CDH23: variants seen among roughly 807,000 people sequenced by gnomAD.
CDH23 encodes cadherin related 23.
A neutral mutation model predicts 317.1 loss-of-function variants in CDH23; 189 were observed. That is an observed-to-expected ratio of 0.60 (90% confidence interval 0.53 to 0.67). The LOEUF (loss-of-function observed/expected upper bound fraction) is 0.67, where lower values mean the gene tolerates loss of function less well. CDH23 is among the 30% of genes least tolerant of loss of function. CDH23 has a pLI of 0.00. For missense variants in CDH23, 4,401 were observed against 4,592.4 expected (o/e 0.96, Z 1.20); for synonymous variants, 1,839 against 1,876.8 (o/e 0.98, Z 0.52).
At chr10:71,469,118 G>C (rs1398945351) in intron 3 of CDH23, among the ~76,000 whole-genome samples, 2 of 152,172 alleles carry the variant, frequency 1.3e-5, no homozygotes, top group Non-Finnish European at 2.9e-5. Context: ...TTAAAGAAAA[G>C]CAATCTTTAT....
chr10:71,543,028 G>A (rs1420451126), intron 6 of CDH23, among the ~76,000 whole-genome samples: 1 of 152,260 alleles, frequency 6.6e-6, no homozygotes, highest in Non-Finnish European at 1.5e-5. Context: ...GGCCAGCGTT[G>A]CAGTGCTCTA....
At chr10:71,628,972 G>A (rs553891061) in intron 11 of CDH23, among the ~76,000 whole-genome samples, 1 of 152,346 alleles carries the variant, frequency 6.6e-6, no homozygotes, top group Non-Finnish European at 1.5e-5. Context: ...TTTAGGGAAG[G>A]TCACAGAGCG....
chr10:71,679,725 A>G (rs542226116), intron 17 of CDH23, among the ~76,000 whole-genome samples: 1 of 152,300 alleles, frequency 6.6e-6, no homozygotes, highest in Admixed American at 6.5e-5. Context: ...TTCTTAGGCC[A>G]TGGCCAGCCC....
intron 22 of CDH23, among the ~76,000 whole-genome samples, chr10:71,697,200 C>T (rs755151342): frequency 2.0e-5 from 3 of 152,224 alleles, no homozygotes; most frequent in Admixed American, 6.5e-5. Context: ...GCTTTGGTCC[C>T]CCCGCCCTTC....
chr10:71,649,438 T>C (rs1386401854), intron 14 of CDH23, among the ~76,000 whole-genome samples: 1 of 152,202 alleles, frequency 6.6e-6, no homozygotes, highest in East Asian at 1.9e-4. Flanking sequence ...GTGGCCCTGC[T>C]TCAGTGGCTG....
chr10:71,780,578 G>A (rs1840925819), intron 41 of CDH23, among the ~76,000 whole-genome samples: 1 of 152,188 alleles, frequency 6.6e-6, no homozygotes, highest in South Asian at 2.1e-4. Context: ...GCAAAGGGAA[G>A]CATAGGAAGA....
intron 3 of CDH23, among the ~76,000 whole-genome samples, chr10:71,494,483 C>G (rs185321976): frequency 6.6e-6 from 1 of 152,122 alleles, no homozygotes; most frequent in African/African-American, 2.4e-5. Context: ...GTGTGATCTT[C>G]GGCAAGTTGC....
At chr10:71,532,523 C>A (rs1409833639) in intron 6 of CDH23, among the ~76,000 whole-genome samples, 1 of 152,106 alleles carries the variant, frequency 6.6e-6, no homozygotes, top group Non-Finnish European at 1.5e-5. Context: ...CTGTGCCAGC[C>A]AGGCACACCC....
chr10:71,622,627 C>T (rs534477006), intron 11 of CDH23, among the ~76,000 whole-genome samples: 44 of 152,294 alleles, frequency 2.9e-4, no homozygotes, highest in African/African-American at 8.9e-4. Flanking sequence ...GACCCCTCCC[C>T]GCTGACCCAG....
chr10:71,744,610 G>A (rs902235494), intron 38 of CDH23, among the ~76,000 whole-genome samples: 3 of 152,152 alleles, frequency 2.0e-5, no homozygotes, highest in Admixed American at 1.3e-4. Flanking sequence ...CACCTCACAT[G>A]TCAGCCCCTG....
chr10:71,463,461 T>C (rs1449940258), intron 3 of CDH23, among the ~76,000 whole-genome samples: 1 of 152,180 alleles, frequency 6.6e-6, no homozygotes, highest in Non-Finnish European at 1.5e-5. Context: ...AACAATGGGT[T>C]GAGGGCCACC....
intron 2 of CDH23, among the ~76,000 whole-genome samples, chr10:71,443,058 C>T (rs779909786): frequency 1.3e-5 from 2 of 152,214 alleles, no homozygotes; most frequent in Non-Finnish European, 2.9e-5. Flanking sequence ...ACTCCCTGTC[C>T]AGTGCGCCTT....
chr10:71,520,121 C>T (rs960989700), intron 6 of CDH23, among the ~76,000 whole-genome samples: 2 of 152,152 alleles, frequency 1.3e-5, no homozygotes, highest in Admixed American at 1.3e-4. Flanking sequence ...AGAGTATTAC[C>T]ACTGTTATGA....
Position 71,815,331 on chromosome 10 carries a change from C to T in CDH23, c.*53C>T. On this transcript the variant is annotated 3_prime_UTR_variant, in exon 70 of 70. Coordinates refer to ENST00000224721, the MANE Select transcript of CDH23 (RefSeq NM_022124.6). ...GCAGCACCCATCCACCGTCCCCTCC[C>T]AGGGAGCAAGGGCAGGGACAGGGCC... is the stretch of plus-strand genomic sequence containing the variant. 6.8e-7 allele frequency: 1 copy of T among 1,475,724 alleles called. No homozygotes were observed. Among genetic ancestry groups the T allele is most frequent in the Non-Finnish European group, 9.1e-7 (1 of 1,102,284 alleles). 91.4% of individuals were successfully genotyped at this position (1,475,724 alleles called of 1,614,324 possible).
intron 6 of CDH23, among the ~76,000 whole-genome samples, chr10:71,512,659 G>T (rs555567803): frequency 1.3e-5 from 2 of 152,278 alleles, no homozygotes; most frequent in South Asian, 4.1e-4. Flanking sequence ...GAGACGAGGG[G>T]TCATGTCCCT....
At chr10:71,701,693 G>T (rs1312327975) in intron 22 of CDH23, among the ~76,000 whole-genome samples, 2 of 152,064 alleles carry the variant, frequency 1.3e-5, no homozygotes, top group Non-Finnish European at 1.5e-5. Flanking sequence ...GTCATCTCTG[G>T]TGTCACAATC....
Position 71,713,652 on chromosome 10 carries a change from G to C in CDH23, c.3369+839G>C. On this transcript the variant is annotated intron_variant, in intron 28 of 69. Coordinates refer to ENST00000224721, the MANE Select transcript of CDH23 (RefSeq NM_022124.6). ...TGGTGGCTAGCTCCAGAAGGAGGAA[G>C]TAGAGGGTTCTCTCGATCAGGGCCT... 1.1e-5 allele frequency: 3 copies of C among 264,760 alleles called. No homozygotes were observed. In the South Asian group the frequency reaches 1.3e-4, roughly 11 times the overall value. The allele number at this position is 264,760 out of a possible 1,614,324, so 16.4% of individuals were successfully genotyped here.
intron 3 of CDH23, among the ~76,000 whole-genome samples, chr10:71,469,868 G>T (rs143084747): frequency 0.014 from 2,102 of 152,286 alleles, 83 homozygotes; most frequent in East Asian, 0.092. Context: ...GCCTCACAAA[G>T]TGCAGGGATT....
chr10:71,533,425 G>C (rs996834741), intron 6 of CDH23, among the ~76,000 whole-genome samples: 1 of 152,002 alleles, frequency 6.6e-6, no homozygotes. Context: ...GGATATGGAA[G>C]ACACACAAAT....
Sources: gnomAD v4.1 joint callset for allele counts (sites outside exome capture counted in the v4.1 genomes callset) on GRCh38, gnomAD v4.1.1 for gene constraint, MANE v1.5 for transcripts, NCBI Gene and HGNC (gene_info 2026-07-23, HGNC 2026-07-21) for gene names.